Variants in UNC45B observed in about 807,000 individuals in gnomAD.
UNC45B encodes protein unc-45 homolog B.
UNC45B carries 78 observed loss-of-function variants against 98.7 expected under a neutral mutation model. The ratio of observed to expected loss-of-function variants is 0.79; its 90% CI spans 0.66 to 0.95. The LOEUF is 0.95. Among genes scored for constraint, UNC45B ranks in the 40% least tolerant of loss-of-function variants. The pLI is 0.00. For synonymous variants in UNC45B, 462 were observed against 480.4 expected (o/e 0.96, Z 0.50); for missense variants, 1,225 against 1,184.9 (o/e 1.03, Z -0.50).
chr17:35,181,720 G>A (rs1451128323), intron 18 of UNC45B, among the ~76,000 whole-genome samples: 1 of 151,466 alleles, frequency 6.6e-6, no homozygotes, highest in Non-Finnish European at 1.5e-5. Flanking sequence ...GAACTTGGGA[G>A]GCAGAGGTTA....
In UNC45B at chr17:35,180,643, C is replaced by G. The variant is rs755281051; in HGVS notation, c.2340C>G (p.Thr780=). 6.2e-7 allele frequency: 1 copy of G among 1,613,792 alleles called. No individual in the cohort carries two copies. Among genetic ancestry groups the G allele is most frequent in the Non-Finnish European group, 8.5e-7 (1 of 1,179,952 alleles). The change falls in exon 18 of 20, where the codon ACC becomes ACG. Residue 780 remains threonine, a synonymous_variant. Transcript: ENST00000394570. The part of the protein sequence containing the change: ...ENHDQLRQAA[T]ECMCNMVLHK... The stretch of plus-strand genomic sequence containing the variant: ...ATGATCAGCTGCGGCAGGCGGCCAC[C>G]GAGTGCATGTGCAACATGGTGCTCC...
intron 10 of UNC45B, among the ~76,000 whole-genome samples, chr17:35,169,291 G>A (rs985721331): frequency 2.0e-5 from 3 of 151,988 alleles, no homozygotes; most frequent in East Asian, 1.9e-4. Context: ...CACCCGCCTC[G>A]GCCTTCCAAA....
At chr17:35,151,806 A>C (rs2092021531) in intron 4 of UNC45B, among the ~76,000 whole-genome samples, 1 of 152,228 alleles carries the variant, frequency 6.6e-6, no homozygotes, top group South Asian at 2.1e-4. Context: ...CCCCAAAGGA[A>C]ATGAGCACAA....
chr17:35,170,502 G>T (rs2092176934), intron 12 of UNC45B, among the ~76,000 whole-genome samples: 1 of 149,132 alleles, frequency 6.7e-6, no homozygotes. Flanking sequence ...CCCTCAGGAG[G>T]TGAGGTCTTG....
chr17:35,156,541 G>A (rs553267683), intron 7 of UNC45B, among the ~76,000 whole-genome samples: 5 of 152,238 alleles, frequency 3.3e-5, no homozygotes, highest in African/African-American at 7.2e-5. Flanking sequence ...CAGAAGAATC[G>A]TTTGAGCCGG....
intron 10 of UNC45B, 82 bp downstream of exon 10, chr17:35,168,443 G>A: frequency 1.1e-5 from 14 of 1,230,496 alleles, no homozygotes; most frequent in Non-Finnish European, 1.4e-5. Flanking sequence ...ATGAGTTGAG[G>A]CTGCTGTCCT....
rs1296567133 is a variant in UNC45B, at chr17:35,183,551, ACAAGAAACT to A, written c.2499_2507del (p.His833_Leu836delinsGln). ...GCTCTGGCCATGCTGACAGCAGCAC[ACAAGAAACT>A]GTGCCTCAAGATGACTCAAGTGGTA... On this transcript the variant is annotated inframe_deletion, in exon 19 of 20. Transcript: ENST00000394570. 6.9e-6 allele frequency: 11 copies of A among 1,586,674 alleles called. No homozygotes were observed. Among genetic ancestry groups the A allele is most frequent in the Non-Finnish European group, 9.4e-6 (11 of 1,166,474 alleles).
chr17:35,174,712 T>C (rs1183494810), intron 14 of UNC45B, among the ~76,000 whole-genome samples: 1 of 151,950 alleles, frequency 6.6e-6, no homozygotes, highest in Non-Finnish European at 1.5e-5. Flanking sequence ...GCCAGCTACT[T>C]GGGAGGCTGA....
chr17:35,169,529 G>A (rs2092167150), intron 10 of UNC45B, among the ~76,000 whole-genome samples: 1 of 152,126 alleles, frequency 6.6e-6, no homozygotes, highest in South Asian at 2.1e-4. Context: ...TTCAGATATG[G>A]TTAACTTGGT....
rs1597922649 is a variant in UNC45B, at chr17:35,170,207, C to T, written c.1641C>T (p.Asp547=). ...CGCTGGACGCTGATGTGAAGGACGA[C>T]TTTGTCCAGGACGTCCCTGCCCTGC... ...YLTLDADVKD[D]FVQDVPALQA... Residue 547 remains aspartate (D), a synonymous_variant, in exon 12 of 20, where the codon GAC becomes GAT. Transcript: ENST00000394570. The T allele has an allele frequency of 5.6e-6, 9 of 1,613,824 alleles. No homozygotes were observed. In the East Asian group the frequency reaches 2.0e-4, roughly 36 times the overall value.
chr17:35,151,569 C>G (rs1260915302), intron 4 of UNC45B, among the ~76,000 whole-genome samples: 2 of 152,080 alleles, frequency 1.3e-5, no homozygotes. Context: ...GGCTCAGCTG[C>G]TAGTTTTTGT....
intron 2 of UNC45B, among the ~76,000 whole-genome samples, 163 bp downstream of exon 2, chr17:35,148,594 A>C (rs2091993631): frequency 6.6e-6 from 1 of 152,126 alleles, no homozygotes; most frequent in African/African-American, 2.4e-5. Flanking sequence ...CATGCCCCGG[A>C]AAGACAGAAA....
At chr17:35,152,803 C>T in intron 4 of UNC45B, 90 bp from the exon 5 acceptor site, 1 of 960,126 alleles carries the variant, frequency 1.0e-6, no homozygotes, top group Non-Finnish European at 1.7e-6. Flanking sequence ...CCAGAGTAGA[C>T]ACCTGATATT....
chr17:35,155,015 A>G (rs980916777), intron 6 of UNC45B, among the ~76,000 whole-genome samples: 1 of 152,266 alleles, frequency 6.6e-6, no homozygotes, highest in Non-Finnish European at 1.5e-5. Flanking sequence ...ATTTCACACT[A>G]CAGCATATCT....
rs201463192 is a variant in UNC45B at position 35,183,414 on chromosome 17, C to T, written c.2374-13C>T. 3 of 1,534,198 alleles carry T rather than the reference C, an allele frequency of 2.0e-6. No homozygotes were observed. Among genetic ancestry groups the T allele is most frequent in the Non-Finnish European group, 8.8e-7 (1 of 1,139,958 alleles). ...GGACAGTTTTCTCTGAGCCATGTTC[C>T]TGCCTCCCACAGGTACAGGAAAGGT... On this transcript the variant is annotated splice_polypyrimidine_tract_variant and intron_variant, in intron 18 of 19. Coordinates refer to ENST00000394570, the MANE Select transcript of UNC45B (RefSeq NM_001267052.2).
Position 35,180,583 on chromosome 17 carries a change from C to A in UNC45B, c.2280C>A (p.Ala760=), listed in dbSNP as rs1597935283. Residue 760 remains alanine, a synonymous_variant, in exon 18 of 20, where the codon GCC becomes GCA. Coordinates refer to ENST00000394570, the MANE Select transcript of UNC45B (RefSeq NM_001267052.2). ...GGCAGAAGATCTTTAAGGAGAGGGC[C>A]TTGCCAGACATCGAGAACTACATGT... ...KLRQKIFKER[A]LPDIENYMFE... The A allele has an allele frequency of 6.2e-7, 1 of 1,613,976 alleles. No homozygotes were observed. Among genetic ancestry groups the A allele is most frequent in the Non-Finnish European group, 8.5e-7 (1 of 1,179,952 alleles).
Position 35,150,035 on chromosome 17 carries a change from C to T in UNC45B, c.206-13C>T. On this transcript the variant is annotated splice_polypyrimidine_tract_variant and intron_variant, in intron 3 of 19. Coordinates refer to ENST00000394570, the MANE Select transcript of UNC45B (RefSeq NM_001267052.2). ...GCTCCCTAAGGTCCTCATCCCCCGT[C>T]TCCCCTCGATAGCCATCGACATCAA... 1 of 1,582,554 alleles carries T rather than the reference C, an allele frequency of 6.3e-7. No homozygotes were observed. Among genetic ancestry groups the T allele is most frequent in the South Asian group, 1.2e-5 (1 of 86,090 alleles).
chr17:35,171,173 C>A (rs2092182573), intron 12 of UNC45B, 149 bp from the exon 13 acceptor site: 2 of 948,882 alleles, frequency 2.1e-6, no homozygotes, highest in South Asian at 3.3e-5. Flanking sequence ...CGTTCCTCTC[C>A]TGCGCTGCTG....
intron 5 of UNC45B, among the ~76,000 whole-genome samples, chr17:35,154,158 A>G (rs2092041358): frequency 6.6e-6 from 1 of 152,206 alleles, no homozygotes; most frequent in Admixed American, 6.5e-5. Flanking sequence ...AGGAAAATCA[A>G]CAAAATGTTT....
Sources: gnomAD v4.1 joint callset for allele counts (sites outside exome capture counted in the v4.1 genomes callset) on GRCh38, gnomAD v4.1.1 for gene constraint, MANE v1.5 for transcripts, NCBI Gene and HGNC (gene_info 2026-07-23, HGNC 2026-07-21) for gene names.